ROBO2: variants seen among roughly 807,000 people sequenced by gnomAD.
ROBO2 encodes roundabout guidance receptor 2, also known as roundabout homolog 2.
Under a neutral mutation model 160.8 loss-of-function variants are expected in ROBO2, and 53 were observed. That is an observed-to-expected ratio of 0.33 (90% CI 0.26 to 0.41). The LOEUF is 0.41. ROBO2 is among the 10% of genes least tolerant of loss of function. ROBO2 has a pLI of 1.00. For synonymous variants in ROBO2, 664 were observed against 611.7 expected, an observed-to-expected ratio of 1.09 and a Z score of -1.26; for missense variants, 1,577 against 1,722.4, an observed-to-expected ratio of 0.92 and a Z score of 1.49.
At chr3:75,927,630 C>CA (rs1393235701) in intron 1 of ROBO2, among the ~76,000 whole-genome samples, 2 of 152,078 alleles carry the variant, frequency 1.3e-5, no homozygotes, top group Middle Eastern at 3.4e-3. Flanking sequence ...GAATGCAGAA[C>CA]AAAAAAAGAC....
intron 7 of ROBO2, among the ~76,000 whole-genome samples, chr3:77,546,870 T>C (rs901784760): frequency 3.3e-5 from 5 of 152,112 alleles, no homozygotes; most frequent in African/African-American, 1.2e-4. Context: ...AATATTTGTT[T>C]AATTGGCCCA....
chr3:77,260,677 C>A lies in ROBO2; in HGVS notation c.388+162337C>A, dbSNP rs1328639995. Among the ~76,000 whole-genome samples, 3 of 152,150 alleles carry A rather than the reference C, an allele frequency of 2.0e-5. No homozygotes were observed. The East Asian group carries it at 5.8e-4, about 29-fold the overall frequency. The stretch of plus-strand genomic sequence containing the variant: ...AGTTTAAATGACTTATCCAAGGTCC[C>A]ACAAGCGGTAGATCCAGAGTCAAAG... On this transcript the variant is annotated intron_variant, in intron 2 of 25. Transcript: ENST00000461745.
chr3:76,011,591 G>A (rs970649282), intron 2 of ROBO2, among the ~76,000 whole-genome samples: 1 of 152,158 alleles, frequency 6.6e-6, no homozygotes, highest in Non-Finnish European at 1.5e-5. Context: ...ACAAGGAAGT[G>A]ATCTCTCTGC....
chr3:77,391,318 T>G (rs1438318815), intron 2 of ROBO2, among the ~76,000 whole-genome samples: 1 of 152,028 alleles, frequency 6.6e-6, no homozygotes, highest in Non-Finnish European at 1.5e-5. Context: ...TTTTAAGAAA[T>G]TTTTTTGAGA....
At chr3:77,305,624 CTT>C (rs1168724133) in intron 2 of ROBO2, among the ~76,000 whole-genome samples, 1 of 152,168 alleles carries the variant, frequency 6.6e-6, no homozygotes, top group African/African-American at 2.4e-5. Flanking sequence ...TAAATTAAAG[CTT>C]ATGGAAGGAA....
intron 2 of ROBO2, chr3:77,317,082 C>T (rs1159663256): frequency 2.1e-6 from 3 of 1,411,194 alleles, no homozygotes; most frequent in Non-Finnish European, 3.0e-6. Context: ...ATTCATCAGT[C>T]CTGTAGCCAA....
chr3:76,648,083 CAT>C lies in ROBO2; in HGVS notation c.110-449928_110-449927del, dbSNP rs563201460. On this transcript the variant is annotated intron_variant, in intron 2 of 26. Coordinates refer to the ROBO2 transcript ENST00000487694. ...CTTATATTCTTTTTTTTAAAATTCTCATATTATTGTGATAGCATGTTTTTGGG... is the reference window on the plus strand; with the variant it reads ...CTTATATTCTTTTTTTTAAAATTCTCATTATTGTGATAGCATGTTTTTGGG... Among the ~76,000 whole-genome samples, 1,299 of 151,866 alleles carry C rather than the reference CAT, an allele frequency of 8.6e-3. 16 individuals carry two copies. The highest frequency in any genetic ancestry group is 0.011 in the Non-Finnish European group (729 of 67,914).
chr3:77,564,814 A>C (rs1487168352), intron 11 of ROBO2, 140 bp from the exon 13 acceptor site: 10 of 799,528 alleles, frequency 1.3e-5, no homozygotes, highest in Non-Finnish European at 2.1e-5. Flanking sequence ...TGTTTCATTT[A>C]TTGGGCTGAA....
At chr3:76,912,551 T>A (rs570737155) in intron 2 of ROBO2, among the ~76,000 whole-genome samples, 1 of 152,310 alleles carries the variant, frequency 6.6e-6, no homozygotes, top group African/African-American at 2.4e-5. Flanking sequence ...CAGTAGCCAA[T>A]TAATTTCTTA....
At chr3:77,187,521 C>T (rs1210882295) in intron 2 of ROBO2, among the ~76,000 whole-genome samples, 1 of 151,862 alleles carries the variant, frequency 6.6e-6, no homozygotes. Context: ...CTCGTTTTTA[C>T]AGGCAGGTGA....
intron 2 of ROBO2, among the ~76,000 whole-genome samples, chr3:77,297,573 T>A (rs1030503683): frequency 6.6e-6 from 1 of 152,140 alleles, no homozygotes; most frequent in Non-Finnish European, 1.5e-5. Flanking sequence ...TTGCCTCCTC[T>A]GGAAGCTTGC....
chr3:77,044,740 C>T (rs2064464386), intron 1 of ROBO2, among the ~76,000 whole-genome samples: 1 of 152,216 alleles, frequency 6.6e-6, no homozygotes, highest in South Asian at 2.1e-4. Context: ...CTATATATAG[C>T]TTTATGCAAA....
intron 2 of ROBO2, among the ~76,000 whole-genome samples, chr3:77,319,556 AC>A (rs1439810531): frequency 6.6e-6 from 1 of 152,208 alleles, no homozygotes; most frequent in Non-Finnish European, 1.5e-5. Context: ...GAAACTTTAT[AC>A]TACAATTGAG....
chr3:75,920,395 T>A (rs562769257), intron 1 of ROBO2, among the ~76,000 whole-genome samples: 2 of 152,254 alleles, frequency 1.3e-5, no homozygotes, highest in South Asian at 4.1e-4. Context: ...TTTGAGAGAT[T>A]GTTTGTTATG....
chr3:76,049,774 C>T (rs2067593137), intron 2 of ROBO2, among the ~76,000 whole-genome samples: 2 of 152,046 alleles, frequency 1.3e-5, no homozygotes, highest in Admixed American at 1.3e-4. Context: ...ATGTGTGTGT[C>T]CCTGCACCCT....
At chr3:76,018,447 C>A (rs1576501473) in intron 2 of ROBO2, among the ~76,000 whole-genome samples, 1 of 151,592 alleles carries the variant, frequency 6.6e-6, no homozygotes, top group East Asian at 1.9e-4. Context: ...CTATTTCATT[C>A]ATTATTATTG....
At chr3:76,057,612 T>C (rs926453116) in intron 2 of ROBO2, among the ~76,000 whole-genome samples, 1 of 152,172 alleles carries the variant, frequency 6.6e-6, no homozygotes, top group Non-Finnish European at 1.5e-5. Flanking sequence ...TATCAGTTTC[T>C]TGGGAAAGTG....
intron 2 of ROBO2, among the ~76,000 whole-genome samples, chr3:76,248,433 T>G (rs903296449): frequency 6.7e-6 from 1 of 149,268 alleles, no homozygotes; most frequent in Non-Finnish European, 1.5e-5. Context: ...TAGGTGGGAA[T>G]TGAACAATGA....
At chr3:76,854,258 T>C (rs9834184) in intron 2 of ROBO2, among the ~76,000 whole-genome samples, 21,928 of 152,006 alleles carry the variant, frequency 0.14, 1,862 homozygotes, top group East Asian at 0.36. Context: ...TATAACCTGC[T>C]CCCTATTAAT....
Sources: allele counts gnomAD v4.1 joint callset (sites outside exome capture counted in the v4.1 genomes callset), GRCh38; gene constraint gnomAD v4.1.1; transcripts MANE v1.5; gene names NCBI Gene and HGNC (gene_info 2026-07-23, HGNC 2026-07-21).